The following MAGI1 variants were observed in gnomAD, a reference collection of about 807,000 sequenced individuals.
The protein encoded by MAGI1 is membrane-associated guanylate kinase, WW and PDZ domain-containing protein 1.
A neutral mutation model predicts 139.9 loss-of-function variants in MAGI1; 58 were observed. The ratio of observed to expected loss-of-function variants is 0.41; its 90% CI spans 0.34 to 0.52. The LOEUF (loss-of-function observed/expected upper bound fraction) is 0.52. MAGI1 is among the 20% of genes least tolerant of loss of function. The probability of loss-of-function intolerance (pLI) is 0.12; values close to 1 mark genes in which losing one functional copy is unlikely to be tolerated. For missense variants in MAGI1, 1,874 were observed against 1,901.6 expected (o/e 0.99, Z 0.27); for synonymous variants, 812 against 737.9 (o/e 1.10, Z -1.63).
chr3:65,903,143 C>T (rs2061306326), intron 1 of MAGI1, among the ~76,000 whole-genome samples: 1 of 152,170 alleles, frequency 6.6e-6, no homozygotes. Context: ...TACTGGCACA[C>T]ACCAACACTC....
At chr3:66,016,236 C>G (rs992466130) in intron 1 of MAGI1, among the ~76,000 whole-genome samples, 1 of 152,040 alleles carries the variant, frequency 6.6e-6, no homozygotes, top group Non-Finnish European at 1.5e-5. Context: ...TGTTCCATGC[C>G]GAGAGTTGAC....
At chr3:65,630,737 A>G (rs2084247642) in intron 1 of MAGI1, among the ~76,000 whole-genome samples, 1 of 152,186 alleles carries the variant, frequency 6.6e-6, no homozygotes, top group Admixed American at 6.5e-5. Context: ...GGTGAGGGAT[A>G]AAAGACTACA....
intron 1 of MAGI1, among the ~76,000 whole-genome samples, chr3:65,694,856 T>C (rs2089007596): frequency 6.6e-6 from 1 of 152,256 alleles, no homozygotes; most frequent in South Asian, 2.1e-4. Flanking sequence ...CCTGGCTGGC[T>C]GTCTCTTTGA....
chr3:65,689,406 C>A (rs2088369810), intron 1 of MAGI1, among the ~76,000 whole-genome samples: 1 of 152,168 alleles, frequency 6.6e-6, no homozygotes, highest in African/African-American at 2.4e-5. Context: ...CAAATTTGCA[C>A]TCAGTATCTT....
intron 1 of MAGI1, among the ~76,000 whole-genome samples, chr3:65,704,762 A>G (rs1283521332): frequency 1.3e-5 from 2 of 152,002 alleles, no homozygotes; most frequent in Non-Finnish European, 2.9e-5. Flanking sequence ...AGGCACAAGT[A>G]GCTAACACTT....
rs368484043 is a variant in MAGI1, at chr3:65,993,749, T to C, written c.313+44247A>G. Among the ~76,000 whole-genome samples, 297 of 152,276 alleles carry C rather than the reference T, an allele frequency of 2.0e-3. 11 individuals are homozygous for C. In the South Asian group the frequency reaches 0.06, roughly 31 times the overall value. ...TGAAGTAAGCATTACCTGTAGCTAA[T>C]AAATCACTCACACACACACATAGCT... On this transcript the variant is annotated intron_variant, in intron 1 of 22. Coordinates refer to ENST00000402939, the MANE Select transcript of MAGI1 (RefSeq NM_001033057.2).
At chr3:65,922,893 C>G (rs1046828623) in intron 1 of MAGI1, among the ~76,000 whole-genome samples, 1 of 152,190 alleles carries the variant, frequency 6.6e-6, no homozygotes, top group East Asian at 1.9e-4. Flanking sequence ...CAACTTACAA[C>G]TATGTCTATG....
chr3:66,004,510 C>T (rs539139388), intron 1 of MAGI1, among the ~76,000 whole-genome samples: 10 of 152,210 alleles, frequency 6.6e-5, no homozygotes, highest in South Asian at 2.1e-4. Context: ...GGCATTTTTA[C>T]GGTCCTGCCT....
intron 1 of MAGI1, among the ~76,000 whole-genome samples, chr3:65,806,938 G>T (rs2040897877): frequency 6.6e-6 from 1 of 152,168 alleles, no homozygotes. Context: ...CATAGTTGAT[G>T]ATGATAACGA....
intron 1 of MAGI1, among the ~76,000 whole-genome samples, chr3:65,696,851 C>T (rs1219789132): frequency 6.6e-6 from 1 of 152,020 alleles, no homozygotes; most frequent in African/African-American, 2.4e-5. Flanking sequence ...AAGCCCAGAA[C>T]ACTTGCTAGA....
chr3:65,919,187 C>T (rs955696358), intron 1 of MAGI1, among the ~76,000 whole-genome samples: 13 of 152,162 alleles, frequency 8.5e-5, no homozygotes, highest in African/African-American at 3.1e-4. Flanking sequence ...AGCTTTCCCC[C>T]CAGGAGACAA....
chr3:65,475,699 G>A (rs1230868822), intron 4 of MAGI1, among the ~76,000 whole-genome samples: 1 of 151,994 alleles, frequency 6.6e-6, no homozygotes, highest in Non-Finnish European at 1.5e-5. Context: ...ATTGCTTTGT[G>A]TTCACAGTCA....
At chr3:65,416,024 G>C (rs1041103306) in intron 12 of MAGI1, among the ~76,000 whole-genome samples, 2 of 152,096 alleles carry the variant, frequency 1.3e-5, no homozygotes, top group East Asian at 1.9e-4. Context: ...TATGGCAAAA[G>C]TAACTACACA....
chr3:65,919,847 T>C (rs1369392786), intron 1 of MAGI1, among the ~76,000 whole-genome samples: 2 of 152,172 alleles, frequency 1.3e-5, no homozygotes, highest in Non-Finnish European at 2.9e-5. Flanking sequence ...CTTTGAACAC[T>C]AGAACTCTCA....
intron 18 of MAGI1, among the ~76,000 whole-genome samples, chr3:65,374,815 C>T (rs1942343670): frequency 6.6e-6 from 1 of 152,008 alleles, no homozygotes; most frequent in Non-Finnish European, 1.5e-5. Flanking sequence ...ATAAAAGAAC[C>T]AAAGATTTGA....
rs186389105 is a variant in MAGI1 at position 65,838,342 on chromosome 3, C to T, written c.313+199654G>A. Among the ~76,000 whole-genome samples, 27 of 152,054 alleles carry T rather than the reference C, an allele frequency of 1.8e-4. No homozygotes were observed. The East Asian group carries it at 5.2e-3, about 29-fold the overall frequency. On this transcript the variant is annotated intron_variant, in intron 1 of 22. Transcript: ENST00000402939. Reference sequence around the variant, plus strand: ...AAACAAAACAAAAACAAAAAAGATACACAAATATTTCATCACCACAAACAT... The same window carrying T: ...AAACAAAACAAAAACAAAAAAGATATACAAATATTTCATCACCACAAACAT...
intron 2 of MAGI1, among the ~76,000 whole-genome samples, chr3:65,529,334 C>G (rs1046172945): frequency 2.0e-5 from 3 of 152,154 alleles, no homozygotes; most frequent in African/African-American, 7.2e-5. Context: ...TCACCACAAA[C>G]AGAAACTCCA....
chr3:65,744,089 T>C (rs575163325), intron 1 of MAGI1, among the ~76,000 whole-genome samples: 1 of 152,344 alleles, frequency 6.6e-6, no homozygotes, highest in African/African-American at 2.4e-5. Context: ...AATCAGTTTT[T>C]AGGAAAGGCC....
At chr3:65,703,597 T>C (rs1217293312) in intron 1 of MAGI1, among the ~76,000 whole-genome samples, 6 of 152,204 alleles carry the variant, frequency 3.9e-5, no homozygotes, top group Admixed American at 6.5e-5. Flanking sequence ...CTTGGATATC[T>C]TGCAGTCATC....
Sources: gnomAD v4.1 joint callset for allele counts (sites outside exome capture counted in the v4.1 genomes callset) on GRCh38, gnomAD v4.1.1 for gene constraint, MANE v1.5 for transcripts, NCBI Gene and HGNC (gene_info 2026-07-23, HGNC 2026-07-21) for gene names.